The following PNPLA7 variants were observed in gnomAD, a reference collection of about 807,000 sequenced individuals.
PNPLA7 encodes patatin-like phospholipase domain-containing protein 7.
In PNPLA7, 153 loss-of-function variants were observed where a neutral mutation model predicts 161.7. The observed-to-expected ratio is 0.95, with a 90% CI of 0.83 to 1.08. The LOEUF is 1.08. Among genes scored for constraint, PNPLA7 ranks in the 50% least tolerant of loss-of-function variants. The pLI is 0.00. For missense variants in PNPLA7, 1,739 were observed against 1,856.6 expected (o/e 0.94, Z 1.16); for synonymous variants, 809 against 782.1 (o/e 1.03, Z -0.57).
intron 11 of PNPLA7, among the ~76,000 whole-genome samples, chr9:137,519,662 A>ACG (rs1834884361): frequency 7.1e-6 from 1 of 141,180 alleles, no homozygotes; most frequent in African/African-American, 3.1e-5. Context: ...CCTGGGGGGC[A>ACG]TGTGAGGTGA....
At chr9:137,478,845 C>T in intron 24 of PNPLA7, 2 of 663,658 alleles carry the variant, frequency 3.0e-6, no homozygotes, top group Non-Finnish European at 2.3e-6. Flanking sequence ...CTGTGCCTGC[C>T]CCCACTGCAC....
chr9:137,470,865 A>C (rs1295516522), intron 25 of PNPLA7, among the ~76,000 whole-genome samples: 1 of 152,260 alleles, frequency 6.6e-6, no homozygotes, highest in African/African-American at 2.4e-5. Flanking sequence ...CGATAGAGTC[A>C]CAAAAACCAC....
chr9:137,497,072 C>T, intron 18 of PNPLA7, 115 bp downstream of exon 18: 2 of 1,265,768 alleles, frequency 1.6e-6, no homozygotes, highest in African/African-American at 1.6e-5. Context: ...TACTACCATC[C>T]ACTCCTGGGG....
chr9:137,467,598 C>A lies in PNPLA7; in HGVS notation c.2883-125G>T, dbSNP rs1831538315. ...GCAGAGACGCTGACGCAGAGAGGGA[C>A]TCCAGATGCAGTTTAAAACCCCTCT... On this transcript the variant is annotated intron_variant, in intron 25 of 34. Transcript: ENST00000406427. The surrounding 1 kb of genome is among the most constrained non-coding windows in gnomAD (Gnocchi z 5.1). The A allele has an allele frequency of 1.1e-5, 14 of 1,277,850 alleles. No homozygotes were observed. The East Asian group carries it at 3.5e-4, about 32-fold the overall frequency. 79.2% of individuals were successfully genotyped at this position (1,277,850 alleles called of 1,614,324 possible).
chr9:137,475,875 G>T (rs1342604387), intron 25 of PNPLA7, among the ~76,000 whole-genome samples: 1 of 152,126 alleles, frequency 6.6e-6, no homozygotes, highest in Non-Finnish European at 1.5e-5. Flanking sequence ...CTGAAGTATG[G>T]GAATAGAATG....
At chr9:137,516,619 G>A (rs934428225) in intron 11 of PNPLA7, 4 of 607,516 alleles carry the variant, frequency 6.6e-6, no homozygotes, top group Non-Finnish European at 8.2e-6. Context: ...GACCACCCTG[G>A]ACCACGTAGT....
At chr9:137,527,092 C>T (rs1365374937) in intron 8 of PNPLA7, among the ~76,000 whole-genome samples, 2 of 151,948 alleles carry the variant, frequency 1.3e-5, no homozygotes, top group African/African-American at 4.8e-5. Context: ...GATGGTGAAA[C>T]CCCGTCTCTA....
At chr9:137,508,500 G>C (rs1192036190) in intron 12 of PNPLA7, among the ~76,000 whole-genome samples, 1 of 151,942 alleles carries the variant, frequency 6.6e-6, no homozygotes, top group African/African-American at 2.4e-5. Flanking sequence ...CCCAGAGATG[G>C]AGCTTGCAGT....
At position 137,479,055 on chromosome 9, in the gene PNPLA7, C is replaced by T. The variant is rs1219145319; in HGVS notation, c.2763+1G>A. On this transcript the variant is annotated splice_donor_variant, in intron 24 of 34. Coordinates refer to ENST00000406427, the MANE Select transcript of PNPLA7 (RefSeq NM_001098537.3). LOFTEE classifies it high-confidence loss of function. ...CAGGCAGCCTCCTCTCCCCGCCTCA[C>T]CAGCTTGGGCAGGCTCCTCCTGGAG... 27 of 1,575,338 alleles carry T rather than the reference C, an allele frequency of 1.7e-5. No homozygotes were observed. Among genetic ancestry groups the T allele is most frequent in the Non-Finnish European group, 2.2e-5 (26 of 1,157,074 alleles).
intron 7 of PNPLA7, 47 bp downstream of exon 7, chr9:137,542,595 G>A (rs766632821): frequency 1.3e-6 from 2 of 1,483,572 alleles, no homozygotes; most frequent in East Asian, 2.5e-5. Flanking sequence ...CAGACGTGGA[G>A]GTAAATGCGC....
At chr9:137,471,789 G>A (rs1831719872) in intron 25 of PNPLA7, among the ~76,000 whole-genome samples, 1 of 151,884 alleles carries the variant, frequency 6.6e-6, no homozygotes, top group African/African-American at 2.4e-5. Context: ...CAATGTTGTC[G>A]ACTAATGATG....
chr9:137,504,081 AGAAG>A (rs1385601964), intron 14 of PNPLA7, among the ~76,000 whole-genome samples: 3 of 147,960 alleles, frequency 2.0e-5, no homozygotes, highest in African/African-American at 5.2e-5. Flanking sequence ...AGGAAGAAGA[AGAAG>A]GAAGAAGAAG....
rs1221918970 is a variant in PNPLA7, at chr9:137,537,495, T to C, written c.747+3147A>G. On this transcript the variant is annotated intron_variant, in intron 8 of 34. Coordinates refer to ENST00000406427, the MANE Select transcript of PNPLA7 (RefSeq NM_001098537.3). This position sits in a 1 kb window ranked among gnomAD's most constrained non-coding sequence, Gnocchi z 4.5. ...ACCACACCCAGCTAATTTTTGTATT[T>C]TTAGTAGGGATGGGTTTCACCATGT... Among the ~76,000 whole-genome samples, 5 of 152,114 alleles carry C rather than the reference T, an allele frequency of 3.3e-5. No individual in the cohort carries two copies. The highest frequency in any genetic ancestry group is 1.2e-4 in the African/African-American group (5 of 41,382).
chr9:137,473,820 G>A (rs1202110112), intron 25 of PNPLA7, among the ~76,000 whole-genome samples: 2 of 152,044 alleles, frequency 1.3e-5, no homozygotes, highest in Non-Finnish European at 2.9e-5. Flanking sequence ...GTGGGGATGT[G>A]GGTCACTCGA....
chr9:137,461,298 A>C, intron 33 of PNPLA7: 1 of 490,046 alleles, frequency 2.0e-6, no homozygotes, highest in South Asian at 2.9e-5. Flanking sequence ...TGTGGCTGGG[A>C]GTTGAGGTGA....
At position 137,540,846 on chromosome 9, in the gene PNPLA7, C is replaced by A; in HGVS notation, c.667-124G>T. 2.6e-6 allele frequency: 2 copies of A among 782,160 alleles called. No homozygotes were observed. The highest frequency in any genetic ancestry group is 3.0e-5 in the South Asian group (2 of 66,310). 48.5% of individuals were successfully genotyped at this position (782,160 alleles called of 1,614,324 possible). A position where few individuals can be genotyped will look rare whatever the true frequency, so the allele number is the denominator to read the frequency against. On this transcript the variant is annotated intron_variant, in intron 7 of 34. Transcript: ENST00000406427. This position sits in a 1 kb window ranked among gnomAD's most constrained non-coding sequence, Gnocchi z 5.1. ...CTGCACCTCTGAGGCGCCATGAGAGCAGCAGGCACCTTGGATGGAGGGCAG... is the reference window on the plus strand; with the variant it reads ...CTGCACCTCTGAGGCGCCATGAGAGAAGCAGGCACCTTGGATGGAGGGCAG...
chr9:137,503,909 A>AAAGAAGAAGG (rs1407430904), intron 14 of PNPLA7, among the ~76,000 whole-genome samples: 25 of 8,330 alleles, frequency 3.0e-3, no homozygotes, highest in Admixed American at 0.02. Flanking sequence ...AAGGAAGAAG[A>AAAGAAGAAGG]AAGAAGAAGG....
At chr9:137,516,513 A>G (rs1834580015) in intron 11 of PNPLA7, 2 of 985,242 alleles carry the variant, frequency 2.0e-6, no homozygotes, top group African/African-American at 1.7e-5. Context: ...CACATACTCT[A>G]AAATACACTT....
Position 137,500,959 on chromosome 9 carries a change from G to A in PNPLA7, c.1552-63C>T, listed in dbSNP as rs1272679262. The A allele has an allele frequency of 1.4e-6, 2 of 1,468,424 alleles. No homozygotes were observed. Among genetic ancestry groups the A allele is most frequent in the Non-Finnish European group, 1.8e-6 (2 of 1,092,002 alleles). The allele number at this position is 1,468,424 out of a possible 1,614,324, so 91.0% of individuals were successfully genotyped here. On this transcript the variant is annotated intron_variant, in intron 15 of 34. Transcript: ENST00000406427. The surrounding 1 kb of genome is among the most constrained non-coding windows in gnomAD (Gnocchi z 5.5). ...CCGCGGGCAGGACGGGGGCAGCTCT[G>A]GGCCCAGAGCGGACGATGCCACCAG...
Sources: gnomAD v4.1 joint callset for allele counts (sites outside exome capture counted in the v4.1 genomes callset) on GRCh38, gnomAD v4.1.1 for gene constraint, Gnocchi (gnomAD v3.1) non-coding constraint, MANE v1.5 for transcripts, NCBI Gene and HGNC (gene_info 2026-07-23, HGNC 2026-07-21) for gene names.